The following CATSPERE variants were observed in gnomAD, a reference collection of about 807,000 sequenced individuals.
The protein encoded by CATSPERE is catsper channel auxiliary subunit epsilon.
A neutral mutation model predicts 114.1 loss-of-function variants in CATSPERE; 93 were observed. The ratio of observed to expected loss-of-function variants is 0.81; its 90% CI spans 0.69 to 0.97. The LOEUF is 0.97. Among genes scored for constraint, CATSPERE ranks in the 50% least tolerant of loss-of-function variants. The pLI is 0.00. For synonymous variants in CATSPERE, 341 were observed against 384.1 expected (o/e 0.89, Z 1.31); for missense variants, 1,058 against 1,131.6 (o/e 0.93, Z 0.93).
intron 8 of CATSPERE, among the ~76,000 whole-genome samples, chr1:244,536,748 C>T (rs552862106): frequency 1.3e-5 from 2 of 152,206 alleles, no homozygotes; most frequent in East Asian, 3.9e-4. Flanking sequence ...ATTTTTGGCT[C>T]TTATGAAGTT....
chr1:244,582,192 A>G (rs1160959742), intron 12 of CATSPERE, among the ~76,000 whole-genome samples: 1 of 152,084 alleles, frequency 6.6e-6, no homozygotes, highest in African/African-American at 2.4e-5. Context: ...ATAAATAAGA[A>G]CTCTGATATC....
At chr1:244,572,817 A>G in intron 11 of CATSPERE, 45 bp downstream of exon 11, 1 of 1,281,730 alleles carries the variant, frequency 7.8e-7, no homozygotes, top group Non-Finnish European at 1.1e-6. Flanking sequence ...TAATAAGTAT[A>G]AAAGTATAAT....
chr1:244,487,033 C>A (rs1671184853), intron 5 of CATSPERE, among the ~76,000 whole-genome samples: 1 of 150,622 alleles, frequency 6.6e-6, no homozygotes, highest in Non-Finnish European at 1.5e-5. Context: ...TACTCGTGGG[C>A]CAGGTACAGA....
At chr1:244,637,563 C>T (rs961327755) in intron 21 of CATSPERE, among the ~76,000 whole-genome samples, 1 of 152,154 alleles carries the variant, frequency 6.6e-6, no homozygotes, top group African/African-American at 2.4e-5. Flanking sequence ...CACCGCAACC[C>T]CCCTTCACCC....
At chr1:244,527,427 G>A (rs949409711) in intron 8 of CATSPERE, among the ~76,000 whole-genome samples, 4 of 152,184 alleles carry the variant, frequency 2.6e-5, no homozygotes, top group African/African-American at 9.6e-5. Flanking sequence ...GGCAGTCAGA[G>A]TTTAAGGTTA....
At chr1:244,461,609 C>G in intron 1 of CATSPERE, 115 bp downstream of exon 1, 1 of 787,216 alleles carries the variant, frequency 1.3e-6, no homozygotes, top group Non-Finnish European at 1.7e-6. Flanking sequence ...CCTGGCCGAC[C>G]ACTGCCTCGT....
chr1:244,537,818 T>G (rs992032065), intron 8 of CATSPERE, among the ~76,000 whole-genome samples: 2 of 152,198 alleles, frequency 1.3e-5, no homozygotes, highest in East Asian at 3.8e-4. Flanking sequence ...GAGAAAAATA[T>G]GTATTCTCCT....
At chr1:244,627,796 C>T (rs1673400743) in intron 20 of CATSPERE, among the ~76,000 whole-genome samples, 2 of 152,190 alleles carry the variant, frequency 1.3e-5, no homozygotes, top group Admixed American at 1.3e-4. Context: ...CCATGATTCA[C>T]TTACTTACAA....
At chr1:244,468,621 T>C (rs933935308) in intron 2 of CATSPERE, among the ~76,000 whole-genome samples, 2 of 152,116 alleles carry the variant, frequency 1.3e-5, no homozygotes, top group Non-Finnish European at 2.9e-5. Flanking sequence ...GAAAGTGATA[T>C]TAAGAGAAAG....
rs1416510511 is a variant in CATSPERE, at chr1:244,499,053, C to T, written c.403C>T (p.Leu135=). Residue 135 remains leucine (L), a synonymous_variant, in exon 7 of 22, where the codon CTG becomes TTG. Transcript: ENST00000366534. ...AGAAAGTGCAGATCCTGATGAGTTGCTGGGGAATGCAGAAGAACCTTCAAT... is the reference window on the plus strand; with the variant it reads ...AGAAAGTGCAGATCCTGATGAGTTGTTGGGGAATGCAGAAGAACCTTCAAT... The part of the protein sequence containing the change: ...DPESADPDEL[L]GNAEEPSINS... 5 of 1,612,080 alleles carry T rather than the reference C, an allele frequency of 3.1e-6. No individual in the cohort carries two copies. In the East Asian group the frequency reaches 1.1e-4, roughly 36 times the overall value.
At chr1:244,555,730 A>G (rs541412822) in intron 9 of CATSPERE, among the ~76,000 whole-genome samples, 146 of 152,358 alleles carry the variant, frequency 9.6e-4, no homozygotes, top group African/African-American at 3.5e-3. Flanking sequence ...AATTCAGTAA[A>G]GTTGAAGGAT....
chr1:244,472,308 G>C (rs2148121302), intron 2 of CATSPERE, among the ~76,000 whole-genome samples: 1 of 152,322 alleles, frequency 6.6e-6, no homozygotes, highest in African/African-American at 2.4e-5. Flanking sequence ...CCCATGAGCA[G>C]CAGAGGAGAG....
At position 244,473,735 on chromosome 1, in the gene CATSPERE, T is replaced by C. The variant is rs140124213; in HGVS notation, c.115-3806T>C. On this transcript the variant is annotated intron_variant, in intron 2 of 21. Coordinates refer to ENST00000366534, the MANE Select transcript of CATSPERE (RefSeq NM_001130957.2). ...CTTTAGTCTTTCTGGGTCACTTTTTTCTTCTGGTATTTCTTTCGAACAGCA... is the reference window on the plus strand; with the variant it reads ...CTTTAGTCTTTCTGGGTCACTTTTTCCTTCTGGTATTTCTTTCGAACAGCA... 1.5e-3 allele frequency among the ~76,000 whole-genome samples: 223 copies of C among 152,264 alleles called. 1 individual carries two copies. The highest frequency in any genetic ancestry group is 4.9e-3 in the African/African-American group (204 of 41,562).
At chr1:244,618,974 C>G (rs573277397) in intron 20 of CATSPERE, among the ~76,000 whole-genome samples, 2 of 152,214 alleles carry the variant, frequency 1.3e-5, no homozygotes, top group East Asian at 3.9e-4. Flanking sequence ...TTCATGTTTT[C>G]TAGGCCAGGT....
intron 9 of CATSPERE, among the ~76,000 whole-genome samples, chr1:244,560,255 T>C (rs1662340825): frequency 6.6e-6 from 1 of 152,126 alleles, no homozygotes; most frequent in South Asian, 2.1e-4. Flanking sequence ...CCTCCCAAAG[T>C]GCAGGGATTA....
intron 13 of CATSPERE, among the ~76,000 whole-genome samples, chr1:244,586,829 C>T (rs1022916674): frequency 2.6e-5 from 4 of 152,136 alleles, no homozygotes; most frequent in African/African-American, 9.7e-5. Flanking sequence ...GGTCCTGGAG[C>T]CAGGTGGAAA....
chr1:244,508,121 T>C (rs1259284575), intron 7 of CATSPERE, among the ~76,000 whole-genome samples: 1 of 152,174 alleles, frequency 6.6e-6, no homozygotes, highest in Admixed American at 6.5e-5. Flanking sequence ...TCTTTCCATT[T>C]GTTTATGTCA....
chr1:244,565,776 C>CA lies in CATSPERE; in HGVS notation c.1507+4637dup, dbSNP rs554632090. Among the ~76,000 whole-genome samples the CA allele has an allele frequency of 2.0e-4, 30 of 152,162 alleles. 1 individual carries two copies. Among genetic ancestry groups the CA allele is most frequent in the Admixed American group, 1.8e-3 (27 of 15,276 alleles). On this transcript the variant is annotated intron_variant, in intron 10 of 21. Coordinates refer to ENST00000366534, the MANE Select transcript of CATSPERE (RefSeq NM_001130957.2). ...GATTTCAAGATTCATAGATTCTTTT[C>CA]AAAAAACCAGCTCCTGGATTCATTG...
intron 8 of CATSPERE, among the ~76,000 whole-genome samples, chr1:244,535,600 G>T (rs367879019): frequency 2.0e-5 from 3 of 152,258 alleles, no homozygotes; most frequent in Middle Eastern, 3.4e-3. Context: ...AGGACCAAAG[G>T]CTTTTTAGTC....
Sources: allele counts gnomAD v4.1 joint callset (sites outside exome capture counted in the v4.1 genomes callset), GRCh38; gene constraint gnomAD v4.1.1; transcripts MANE v1.5; gene names NCBI Gene and HGNC (gene_info 2026-07-23, HGNC 2026-07-21).